DMD: variants seen among roughly 807,000 people sequenced by gnomAD.
DMD encodes dystrophin, also known as mutant dystrophin.
Under a neutral mutation model 330.1 loss-of-function variants are expected in DMD, and 63 were observed. The ratio of observed to expected loss-of-function variants is 0.19; its 90% CI spans 0.16 to 0.24. The LOEUF (loss-of-function observed/expected upper bound fraction) is 0.24. DMD is among the 10% of genes least tolerant of loss of function. The probability of loss-of-function intolerance (pLI) is 1.00; values close to 1 mark genes in which losing one functional copy is unlikely to be tolerated. For synonymous variants in DMD, 1,223 were observed against 959.8 expected (o/e 1.27, Z -5.07); for missense variants, 3,344 against 2,684.1 (o/e 1.25, Z -5.43).
At chrX:32,715,625 C>T (rs1397927493) in intron 7 of DMD, among the ~76,000 whole-genome samples, 1 of 108,730 alleles carries the variant, frequency 9.2e-6, no homozygotes, top group Non-Finnish European at 1.9e-5. Context: ...CATGGTGAAA[C>T]CCCATCTCTA....
intron 44 of DMD, among the ~76,000 whole-genome samples, chrX:32,085,613 T>C (rs1285905260): frequency 1.1e-5 from 1 of 91,830 alleles, no homozygotes; most frequent in African/African-American, 4.2e-5. Context: ...TGTGTATATA[T>C]ATACGTATAT....
chrX:32,570,001 T>A (rs2052218005), intron 15 of DMD, among the ~76,000 whole-genome samples: 1 of 111,796 alleles, frequency 8.9e-6, no homozygotes, highest in Non-Finnish European at 1.9e-5. Context: ...GTTTAAAACT[T>A]AAATCAGTTT....
intron 1 of DMD, among the ~76,000 whole-genome samples, chrX:33,156,170 C>A (rs1448016595): frequency 8.9e-6 from 1 of 112,016 alleles, no homozygotes; most frequent in East Asian, 2.8e-4. Flanking sequence ...AAAGAGCAAG[C>A]ATCCATTGTG....
intron 43 of DMD, among the ~76,000 whole-genome samples, chrX:32,269,461 C>T (rs1485987328): frequency 8.9e-6 from 1 of 112,036 alleles, no homozygotes; most frequent in Non-Finnish European, 1.9e-5. Context: ...TGCTCTAACA[C>T]TTGCCTCAGT....
intron 47 of DMD, among the ~76,000 whole-genome samples, chrX:31,893,571 A>C (rs901325748): frequency 9.7e-6 from 1 of 102,898 alleles, no homozygotes; most frequent in Non-Finnish European, 2.0e-5. Context: ...ACACAAAAAA[A>C]GGGGAAAGGG....
At chrX:31,928,949 T>C (rs777303849) in intron 47 of DMD, among the ~76,000 whole-genome samples, 1 of 112,056 alleles carries the variant, frequency 8.9e-6, no homozygotes, top group East Asian at 2.8e-4. Flanking sequence ...AAAGATGCCA[T>C]GAAAATACAG....
chrX:33,101,379 G>A (rs954022879), intron 1 of DMD, among the ~76,000 whole-genome samples: 3 of 112,331 alleles, frequency 2.7e-5, no homozygotes, highest in African/African-American at 9.7e-5. Flanking sequence ...CATAATCTCA[G>A]CACTTTGGGA....
chrX:31,856,184 G>A (rs1419737387), intron 48 of DMD, among the ~76,000 whole-genome samples: 1 of 111,970 alleles, frequency 8.9e-6, no homozygotes, highest in East Asian at 2.8e-4. Flanking sequence ...CAACAAACTT[G>A]AAAACTTGTT....
chrX:33,243,799 T>C (rs151151756), intron 1 of DMD, among the ~76,000 whole-genome samples: 2,073 of 111,631 alleles, frequency 0.019, 54 homozygotes, highest in African/African-American at 0.064. Flanking sequence ...AGACAAATAC[T>C]GCATGTTCTC....
At chrX:32,515,151 T>A (rs1045458196) in intron 18 of DMD, among the ~76,000 whole-genome samples, 1 of 111,252 alleles carries the variant, frequency 9.0e-6, no homozygotes, top group Non-Finnish European at 1.9e-5. Flanking sequence ...TTTCCACGTA[T>A]GAGTAGAATA....
At chrX:31,757,373 T>C (rs1314566902) in intron 51 of DMD, among the ~76,000 whole-genome samples, 1 of 111,892 alleles carries the variant, frequency 8.9e-6, no homozygotes. Flanking sequence ...GATTCCCCTT[T>C]GGAAATGAAG....
At chrX:31,923,892 G>A (rs960681290) in intron 47 of DMD, among the ~76,000 whole-genome samples, 6 of 111,534 alleles carry the variant, frequency 5.4e-5, no homozygotes, top group African/African-American at 9.8e-5. Flanking sequence ...CACCACACCC[G>A]GCCCGTTTTC....
chrX:33,141,617 T>C (rs192069017), intron 1 of DMD, among the ~76,000 whole-genome samples: 10 of 112,019 alleles, frequency 8.9e-5, no homozygotes, highest in African/African-American at 3.2e-4. Flanking sequence ...ATATTCAGTA[T>C]GATTGGAGAG....
At chrX:32,583,262 G>A (rs765043593) in intron 13 of DMD, among the ~76,000 whole-genome samples, 66 of 111,667 alleles carry the variant, frequency 5.9e-4, no homozygotes, top group Non-Finnish European at 8.5e-4. Context: ...TCGGCAGGCC[G>A]AGGCTGGCAG....
At chrX:32,538,973 T>C (rs1223156126) in intron 17 of DMD, among the ~76,000 whole-genome samples, 1 of 111,255 alleles carries the variant, frequency 9.0e-6, no homozygotes, top group African/African-American at 3.3e-5. Context: ...GTGATGATAC[T>C]GTTTCATGCA....
At chrX:32,954,779 G>A (rs1389353878) in intron 2 of DMD, among the ~76,000 whole-genome samples, 1 of 111,085 alleles carries the variant, frequency 9.0e-6, no homozygotes, top group East Asian at 2.8e-4. Context: ...ACCTGCAAGT[G>A]AGAAGACACA....
At chrX:31,690,811 C>T (rs907423357) in intron 52 of DMD, among the ~76,000 whole-genome samples, 1 of 111,497 alleles carries the variant, frequency 9.0e-6, no homozygotes, top group Non-Finnish European at 1.9e-5. Flanking sequence ...AGTTCACATC[C>T]TTTGTAGGGA....
At chrX:31,343,618 TGA>T (rs1179095003) in intron 61 of DMD, among the ~76,000 whole-genome samples, 8,584 of 81,145 alleles carry the variant, frequency 0.11, 317 homozygotes, top group Middle Eastern at 0.18. Context: ...TGTGTGTGTG[TGA>T]GAGAGAGAGA....
chrX:32,422,878 CGGTT>C (rs777706560), intron 29 of DMD, among the ~76,000 whole-genome samples: 3 of 110,538 alleles, frequency 2.7e-5, no homozygotes, highest in Admixed American at 9.7e-5. Context: ...GCAAAGAAAA[CGGTT>C]TTAAAAAGTT....
Sources: gnomAD v4.1 joint callset for allele counts (sites outside exome capture counted in the v4.1 genomes callset) on GRCh38, gnomAD v4.1.1 for gene constraint, MANE v1.5 for transcripts, NCBI Gene and HGNC (gene_info 2026-07-23, HGNC 2026-07-21) for gene names.